The following THSD7A variants were observed in gnomAD, a reference collection of about 807,000 sequenced individuals.
THSD7A encodes thrombospondin type 1 domain containing 7A.
A neutral mutation model predicts 231.3 loss-of-function variants in THSD7A; 96 were observed. That is an observed-to-expected ratio of 0.41 (90% CI 0.35 to 0.49). The LOEUF (loss-of-function observed/expected upper bound fraction) is 0.49. Among genes scored for constraint, THSD7A ranks in the 20% least tolerant of loss-of-function variants. The pLI, the probability that THSD7A is intolerant of heterozygous loss-of-function variation, is 0.05. For synonymous variants in THSD7A, 940 were observed against 743.3 expected (o/e 1.26, Z -4.30); for missense variants, 2,290 against 2,070.2 (o/e 1.11, Z -2.06).
intron 1 of THSD7A, among the ~76,000 whole-genome samples, chr7:11,729,139 G>A (rs575927189): frequency 2.0e-5 from 3 of 151,832 alleles, no homozygotes; most frequent in South Asian, 2.1e-4. Context: ...CACAGACAAC[G>A]TTGCTGAAGA....
rs1297879765 is a variant in THSD7A at position 11,373,189 on chromosome 7, G to GGAT, written c.*2602_*2604dup. 1 of 151,730 alleles carries GGAT rather than the reference G, an allele frequency of 6.6e-6. No individual in the cohort carries two copies. The highest frequency in any genetic ancestry group is 1.5e-5 in the Non-Finnish European group (1 of 67,882). The allele number at this position is 151,730 out of a possible 1,614,324, so 9.4% of individuals were successfully genotyped here. A position where few individuals can be genotyped will look rare whatever the true frequency, so the allele number is the denominator to read the frequency against. Reference sequence around the variant, plus strand: ...TTTGCTAATTTAATTCTTATAGGTAGGATGATACTAATCTTTTCTGAATTA... The same window carrying GGAT: ...TTTGCTAATTTAATTCTTATAGGTAGGATGATGATACTAATCTTTTCTGAATTA... On this transcript the variant is annotated 3_prime_UTR_variant, in exon 28 of 28. Coordinates refer to ENST00000423059, the MANE Select transcript of THSD7A (RefSeq NM_015204.3).
chr7:11,629,431 G>A (rs768203082), intron 2 of THSD7A, among the ~76,000 whole-genome samples: 53 of 152,074 alleles, frequency 3.5e-4, no homozygotes, highest in Non-Finnish European at 7.2e-4. Flanking sequence ...AGTATCTGGC[G>A]GGCAACTCGA....
At chr7:11,687,132 T>C (rs1464714645) in intron 1 of THSD7A, among the ~76,000 whole-genome samples, 1 of 151,928 alleles carries the variant, frequency 6.6e-6, no homozygotes, top group African/African-American at 2.4e-5. Context: ...GAGTTTTTGG[T>C]GACCCCAATT....
chr7:11,757,755 T>G lies in THSD7A; in HGVS notation c.190+74002A>C, dbSNP rs185963440. 7.2e-5 allele frequency among the ~76,000 whole-genome samples: 11 copies of G among 152,026 alleles called. No individual in the cohort carries two copies. The East Asian group carries it at 1.9e-3, about 27-fold the overall frequency. On this transcript the variant is annotated intron_variant, in intron 1 of 27. Coordinates refer to ENST00000423059, the MANE Select transcript of THSD7A (RefSeq NM_015204.3). ...GTCCATTGTAACATGACTTATGATT[T>G]AGAGTAAATATCTTTAATGGGCTTT...
chr7:11,444,982 T>G lies in THSD7A; in HGVS notation c.3064+1079A>C, dbSNP rs1376001261. On this transcript the variant is annotated intron_variant, in intron 13 of 27. Transcript: ENST00000423059. The surrounding 1 kb of genome is among the most constrained non-coding windows in gnomAD (Gnocchi z 4.2). ...ATATATATATTAAATGAAACTTCTT[T>G]GTAGTGAGATGTTTAAGAGATTTCA... is the stretch of plus-strand genomic sequence containing the variant. Among the ~76,000 whole-genome samples, 1 of 150,068 alleles carries G rather than the reference T, an allele frequency of 6.7e-6. No individual in the cohort carries two copies. The highest frequency in any genetic ancestry group is 1.5e-5 in the Non-Finnish European group (1 of 67,584).
intron 2 of THSD7A, among the ~76,000 whole-genome samples, chr7:11,620,699 C>A (rs10486146): frequency 0.11 from 16,764 of 152,154 alleles, 2,669 homozygotes; most frequent in African/African-American, 0.34. Flanking sequence ...TTAACAAAAT[C>A]CTACACATGA....
intron 1 of THSD7A, among the ~76,000 whole-genome samples, chr7:11,730,419 T>C (rs529086772): frequency 7.2e-4 from 110 of 151,728 alleles, no homozygotes; most frequent in African/African-American, 2.4e-3. Flanking sequence ...TAATTTATAT[T>C]TATATTATTG....
chr7:11,437,417 C>T (rs73066787), intron 13 of THSD7A, among the ~76,000 whole-genome samples: 34,223 of 151,978 alleles, frequency 0.23, 4,378 homozygotes, highest in East Asian at 0.37. Flanking sequence ...ATGCTCTTTC[C>T]TTCTTTCCTT....
rs1421068910 is a variant in THSD7A, at chr7:11,444,839, ATAAT to A, written c.3064+1218_3064+1221del. Among the ~76,000 whole-genome samples the A allele has an allele frequency of 3.4e-5, 5 of 147,844 alleles. No homozygotes were observed. Among genetic ancestry groups the A allele is most frequent in the Admixed American group, 2.0e-4 (3 of 14,682 alleles). On this transcript the variant is annotated intron_variant, in intron 13 of 27. Transcript: ENST00000423059. The surrounding 1 kb of genome is among the most constrained non-coding windows in gnomAD (Gnocchi z 4.2). ...CTATATATATAATTAAACTATATAT[ATAAT>A]TAAACTATATATATAAAACTATCAT...
Position 11,470,005 on chromosome 7 carries a change from AAAGGGG to A in THSD7A, c.2253-17_2253-12del. On this transcript the variant is annotated splice_polypyrimidine_tract_variant and intron_variant, in intron 8 of 27. Coordinates refer to ENST00000423059, the MANE Select transcript of THSD7A (RefSeq NM_015204.3). ...AGGCTTTCAGGACATCTAGAAAGGC[AAAGGGG>A]AATTATTAGGCTTCAATAGTAAAGC... 1 of 1,529,542 alleles carries A rather than the reference AAAGGGG, an allele frequency of 6.5e-7. No individual in the cohort carries two copies. The highest frequency in any genetic ancestry group is 8.9e-7 in the Non-Finnish European group (1 of 1,118,234). The allele number at this position is 1,529,542 out of a possible 1,614,324, so 94.7% of individuals were successfully genotyped here.
At chr7:11,494,519 A>G (rs912202839) in intron 6 of THSD7A, among the ~76,000 whole-genome samples, 8 of 152,024 alleles carry the variant, frequency 5.3e-5, no homozygotes, top group African/African-American at 1.7e-4. Flanking sequence ...AAAATCTATT[A>G]GTTATACACT....
At chr7:11,550,745 A>G (rs1789594891) in intron 4 of THSD7A, among the ~76,000 whole-genome samples, 1 of 152,204 alleles carries the variant, frequency 6.6e-6, no homozygotes, top group African/African-American at 2.4e-5. Context: ...GATAGGAAGA[A>G]GTAATATTAT....
intron 2 of THSD7A, among the ~76,000 whole-genome samples, chr7:11,610,044 G>T (rs1454175333): frequency 6.6e-6 from 1 of 151,990 alleles, no homozygotes; most frequent in Non-Finnish European, 1.5e-5. Context: ...ACTCGAAAAT[G>T]GTTAATGCCT....
rs946730146 is a variant in THSD7A at position 11,444,839 on chromosome 7, A to G, written c.3064+1222T>C. ...CTATATATATAATTAAACTATATAT[A>G]TAATTAAACTATATATATAAAACTA... is the stretch of plus-strand genomic sequence containing the variant. On this transcript the variant is annotated intron_variant, in intron 13 of 27. Coordinates refer to ENST00000423059, the MANE Select transcript of THSD7A (RefSeq NM_015204.3). The surrounding 1 kb of genome is among the most constrained non-coding windows in gnomAD (Gnocchi z 4.2). 2.7e-5 allele frequency among the ~76,000 whole-genome samples: 4 copies of G among 147,844 alleles called. No individual in the cohort carries two copies. The highest frequency in any genetic ancestry group is 9.8e-5 in the African/African-American group (4 of 40,732).
At chr7:11,656,407 G>A (rs79865941) in intron 1 of THSD7A, among the ~76,000 whole-genome samples, 1 of 151,756 alleles carries the variant, frequency 6.6e-6, no homozygotes, top group Non-Finnish European at 1.5e-5. Context: ...AAGGTACAAC[G>A]GTCATAGGGG....
intron 23 of THSD7A, among the ~76,000 whole-genome samples, chr7:11,395,472 C>T (rs1320063679): frequency 6.6e-6 from 1 of 151,494 alleles, no homozygotes; most frequent in East Asian, 1.9e-4. Flanking sequence ...CCAAGGAGAC[C>T]TAATAGACTT....
chr7:11,478,880 G>A (rs1460444003), intron 7 of THSD7A, among the ~76,000 whole-genome samples: 6 of 151,942 alleles, frequency 3.9e-5, no homozygotes, highest in African/African-American at 1.5e-4. Context: ...CACACAATAG[G>A]ATTATATTTC....
chr7:11,521,267 G>A (rs1205256549), intron 6 of THSD7A, among the ~76,000 whole-genome samples: 1 of 151,892 alleles, frequency 6.6e-6, no homozygotes, highest in East Asian at 1.9e-4. Context: ...TGTCATCTAG[G>A]TTACCTTTCA....
chr7:11,422,625 G>A (rs1784186421), intron 16 of THSD7A, among the ~76,000 whole-genome samples: 1 of 140,552 alleles, frequency 7.1e-6, no homozygotes, highest in South Asian at 2.3e-4. Context: ...AAAGTAACAT[G>A]TACACAGATA....
Sources: gnomAD v4.1 joint callset for allele counts (sites outside exome capture counted in the v4.1 genomes callset) on GRCh38, gnomAD v4.1.1 for gene constraint, Gnocchi (gnomAD v3.1) non-coding constraint, MANE v1.5 for transcripts, NCBI Gene and HGNC (gene_info 2026-07-23, HGNC 2026-07-21) for gene names.